TTC21A: variants seen among roughly 807,000 people sequenced by gnomAD.
TTC21A encodes tetratricopeptide repeat domain 21A.
TTC21A carries 128 observed loss-of-function variants against 156.4 expected under a neutral mutation model. That is an observed-to-expected ratio of 0.82 (90% CI 0.71 to 0.95). TTC21A has a LOEUF of 0.95. Ranked by LOEUF, TTC21A falls within the 40% of genes least tolerant of loss-of-function variation. The pLI is 0.00. For missense variants in TTC21A, 1,435 were observed against 1,602.3 expected (o/e 0.90, Z 1.78); for synonymous variants, 587 against 617.1 (o/e 0.95, Z 0.72).
intron 20 of TTC21A, among the ~76,000 whole-genome samples, chr3:39,133,552 AGAT>A (rs2038893040): frequency 6.6e-6 from 1 of 152,218 alleles, no homozygotes; most frequent in Admixed American, 6.5e-5. Flanking sequence ...GGAGGTGGGG[AGAT>A]GATGAGGGTT....
At chr3:39,125,210 G>C in intron 10 of TTC21A, 50 bp downstream of exon 10, 1 of 1,542,400 alleles carries the variant, frequency 6.5e-7, no homozygotes, top group Non-Finnish European at 9.0e-7. Flanking sequence ...GTCCTCTGCT[G>C]TCCTCCCACC....
intron 24 of TTC21A, 47 bp from the exon 25 acceptor site, chr3:39,137,148 G>C: frequency 6.3e-7 from 1 of 1,599,414 alleles, no homozygotes; most frequent in Non-Finnish European, 8.5e-7. Flanking sequence ...AGGGCCACAC[G>C]GGCAGGCCAC....
At position 39,136,625 on chromosome 3, in the gene TTC21A, C is replaced by G. The variant is rs901660026; in HGVS notation, c.3095+118C>G. 5 of 1,313,750 alleles carry G rather than the reference C, an allele frequency of 3.8e-6. No individual in the cohort carries two copies. The South Asian group carries it at 7.1e-5, about 19-fold the overall frequency. The allele number at this position is 1,313,750 out of a possible 1,614,324, so 81.4% of individuals were successfully genotyped here. On this transcript the variant is annotated intron_variant, in intron 23 of 28. Coordinates refer to ENST00000683103, the MANE Select transcript of TTC21A (RefSeq NM_001366900.1). ...AATTCTGCCTCCAGGACACCCGGACCCAGCAAGTGAGGGCCCATGGGGGCA... is the reference window on the plus strand; with the variant it reads ...AATTCTGCCTCCAGGACACCCGGACGCAGCAAGTGAGGGCCCATGGGGGCA...
intron 26 of TTC21A, 179 bp from the exon 27 acceptor site, chr3:39,138,088 G>C: frequency 1.3e-6 from 1 of 786,826 alleles, no homozygotes. Flanking sequence ...GCTGAGAGGA[G>C]GGCACACAGT....
intron 15 of TTC21A, 96 bp from the exon 16 acceptor site, chr3:39,129,983 C>T (rs1039215598): frequency 1.2e-5 from 15 of 1,234,624 alleles, no homozygotes; most frequent in Middle Eastern, 4.0e-4. Context: ...GAATGAATGT[C>T]AGCCAGAATC....
At chr3:39,136,580 C>A in intron 23 of TTC21A, 73 bp downstream of exon 23, 1 of 1,536,704 alleles carries the variant, frequency 6.5e-7, no homozygotes, top group Non-Finnish European at 8.8e-7. Flanking sequence ...TAGGCCCTTG[C>A]TCTGCACAAA....
chr3:39,130,775 C>T lies in TTC21A; in HGVS notation c.2394C>T (p.Leu798=), dbSNP rs376481324. 1.4e-4 allele frequency: 228 copies of T among 1,614,006 alleles called. No individual in the cohort carries two copies. Among genetic ancestry groups the T allele is most frequent in the Non-Finnish European group, 1.8e-4 (216 of 1,180,022 alleles). ...TGTGCTGCGATCTGGGCAAACTGCT[C>T]CTGAAGTTAAAGAAGGTCAATAAAG... ...DFLCCDLGKL[L]LKLKKVNKAE... Residue 798 remains leucine (L), a synonymous_variant, in exon 18 of 29, where the codon CTC becomes CTT. Transcript: ENST00000683103. This position sits in a 1 kb window ranked among gnomAD's most constrained non-coding sequence, Gnocchi z 4.5.
intron 19 of TTC21A, among the ~76,000 whole-genome samples, chr3:39,132,540 C>T (rs1182636085): frequency 3.3e-5 from 5 of 152,182 alleles, no homozygotes; most frequent in Admixed American, 6.5e-5. Context: ...TTTTGGCCCT[C>T]GGGGAGCCAA....
At chr3:39,126,129 G>C (rs1324521151) in intron 11 of TTC21A, 132 bp from the exon 12 acceptor site, 17 of 1,143,320 alleles carry the variant, frequency 1.5e-5, no homozygotes, top group Non-Finnish European at 2.2e-5. Context: ...TAAGCACTAG[G>C]TGATACAGAG....
rs1248173795 is a variant in TTC21A, at chr3:39,128,833, G to T, written c.1797G>T (p.Lys599Asn). ...KMVIKLPALK[K>N]EEGRKFLRPS... The stretch of plus-strand genomic sequence containing the variant: ...TCATCAAATTGCCAGCTCTGAAGAA[G>T]GAAGAAGGCAGAAAGTTCCTCAGGC... Residue 599 changes from lysine to asparagine, a missense_variant, in exon 14 of 29, where the codon AAG (lysine) becomes AAT (asparagine). By Grantham distance (94) the Lys-to-Asn change is moderately conservative (BLOSUM62 0). Coordinates refer to ENST00000683103, the MANE Select transcript of TTC21A (RefSeq NM_001366900.1). 6.2e-7 allele frequency: 1 copy of T among 1,614,206 alleles called. No homozygotes were observed. Among genetic ancestry groups the T allele is most frequent in the Admixed American group, 1.7e-5 (1 of 60,022 alleles).
intron 1 of TTC21A, among the ~76,000 whole-genome samples, chr3:39,108,781 AT>A (rs1332370879): frequency 1.3e-5 from 2 of 152,092 alleles, no homozygotes; most frequent in Non-Finnish European, 2.9e-5. Context: ...ATTTGTCCTC[AT>A]TTTTCCCCCC....
At chr3:39,131,535 TTG>T (rs2038728959) in intron 19 of TTC21A, 1 of 158,158 alleles carries the variant, frequency 6.3e-6, no homozygotes. Context: ...TTGGGTTCAG[TTG>T]TGTTAGTCTG....
rs930493840 is a variant in TTC21A at position 39,128,224 on chromosome 3, T to C, written c.1523-107T>C. The C allele has an allele frequency of 4.6e-5, 60 of 1,294,316 alleles. No homozygotes were observed. The Middle Eastern group carries it at 1.8e-3, about 40-fold the overall frequency. The allele number at this position is 1,294,316 out of a possible 1,614,324, so 80.2% of individuals were successfully genotyped here. On this transcript the variant is annotated intron_variant, in intron 12 of 28. Coordinates refer to ENST00000683103, the MANE Select transcript of TTC21A (RefSeq NM_001366900.1). Reference sequence around the variant, plus strand: ...CAAAACTGGCTAAAATACTCAATTTTGTATATTTCTGGGGAACAGGACATG... The same window carrying C: ...CAAAACTGGCTAAAATACTCAATTTCGTATATTTCTGGGGAACAGGACATG...
In TTC21A at chr3:39,128,659, G is replaced by A; in HGVS notation, c.1681-58G>A. ...AGGCTTTCTCTGACCTGGCTGCTGT[G>A]AGCAGCAGCAGTAGCAGCAGTGAAC... On this transcript the variant is annotated intron_variant, in intron 13 of 28. Coordinates refer to ENST00000683103, the MANE Select transcript of TTC21A (RefSeq NM_001366900.1). The A allele has an allele frequency of 3.8e-6, 6 of 1,575,210 alleles. No individual in the cohort carries two copies. In the South Asian group the frequency reaches 5.6e-5, roughly 15 times the overall value.
Position 39,134,244 on chromosome 3 carries a change from C to G in TTC21A, c.2778C>G (p.Tyr926Ter), listed in dbSNP as rs2038946642. 7 of 1,613,630 alleles carry G rather than the reference C, an allele frequency of 4.3e-6. No individual in the cohort carries two copies. The highest frequency in any genetic ancestry group is 5.9e-6 in the Non-Finnish European group (7 of 1,179,718). ...NKVMLELAQL[Y>*]LLQGHLDLCE... ...TGATGCTGGAGCTGGCGCAGCTCTA[C>G]CTGCTCCAGGGGCACCTGGACCTGT... Residue 926 changes from tyrosine (Y) to a stop codon, truncating the protein, a stop_gained, in exon 21 of 29, where the codon TAC becomes TAG. Transcript: ENST00000683103. LOFTEE classifies it high-confidence loss of function. The surrounding 1 kb of genome is among the most constrained non-coding windows in gnomAD (Gnocchi z 4.6).
At chr3:39,114,801 G>A in intron 6 of TTC21A, 59 bp downstream of exon 6, 2 of 1,592,914 alleles carry the variant, frequency 1.3e-6, no homozygotes, top group Non-Finnish European at 1.7e-6. Flanking sequence ...CATCTTATAA[G>A]CTGGGGAGGC....
chr3:39,137,295 C>T lies in TTC21A; in HGVS notation c.3358C>T (p.Arg1120Trp), dbSNP rs778409079. 3.6e-5 allele frequency: 58 copies of T among 1,614,024 alleles called. No individual in the cohort carries two copies. Among genetic ancestry groups the T allele is most frequent in the South Asian group, 4.4e-5 (4 of 91,086 alleles). Residue 1120 changes from arginine (R) to tryptophan (W), a missense_variant, in exon 25 of 29, where the codon CGG (arginine) becomes TGG (tryptophan). Physicochemically the swap from Arg to Trp is moderately radical, Grantham distance 101. Coordinates refer to ENST00000683103, the MANE Select transcript of TTC21A (RefSeq NM_001366900.1). ...TTCAGACTCCAGCCAGACCCAGCTG[C>T]GGCTGCTGCAGGGCCTCTGCCGGCT... is the stretch of plus-strand genomic sequence containing the variant. Reference protein sequence around the residue: ...PHSDSSQTQLRLLQGLCRLAT... With the variant: ...PHSDSSQTQLWLLQGLCRLAT...
At position 39,133,144 on chromosome 3, in the gene TTC21A, C is replaced by T. The variant is rs747257163; in HGVS notation, c.2655C>T (p.Cys885=). 8.1e-6 allele frequency: 13 copies of T among 1,613,828 alleles called. No individual in the cohort carries two copies. The East Asian group carries it at 2.5e-4, about 30-fold the overall frequency. ...PSQKQLAASI[C]IQFAEHYLAE... ...AGAAGCAACTGGCAGCCTCTATCTG[C>T]ATCCAATTTGCAGAGCACTACCTGG... Residue 885 remains cysteine, a synonymous_variant, in exon 20 of 29, where the codon TGC becomes TGT. Coordinates refer to ENST00000683103, the MANE Select transcript of TTC21A (RefSeq NM_001366900.1).
intron 4 of TTC21A, among the ~76,000 whole-genome samples, chr3:39,111,661 C>A (rs6769793): frequency 0.056 from 8,507 of 152,202 alleles, 744 homozygotes; most frequent in African/African-American, 0.19. Context: ...TGAAAAAAAT[C>A]TTACTCTTTA....
Sources: allele counts gnomAD v4.1 joint callset (sites outside exome capture counted in the v4.1 genomes callset), GRCh38; gene constraint gnomAD v4.1.1; non-coding constraint Gnocchi (gnomAD v3.1); transcripts MANE v1.5; gene names NCBI Gene and HGNC (gene_info 2026-07-23, HGNC 2026-07-21).